The following PTPRD variants were observed in gnomAD, a reference collection of about 807,000 sequenced individuals.
PTPRD encodes receptor-type tyrosine-protein phosphatase delta.
A neutral mutation model predicts 214.5 loss-of-function variants in PTPRD; 34 were observed. The ratio of observed to expected loss-of-function variants is 0.16; its 90% CI spans 0.12 to 0.21. The LOEUF (loss-of-function observed/expected upper bound fraction) is 0.21. Among genes scored for constraint, PTPRD ranks in the 10% least tolerant of loss-of-function variants. The pLI is 1.00. For synonymous variants in PTPRD, 1,128 were observed against 845.7 expected, an observed-to-expected ratio of 1.33 and a Z score of -5.79; for missense variants, 2,545 against 2,398.7, an observed-to-expected ratio of 1.06 and a Z score of -1.27.
At chr9:9,228,177 G>T (rs1021087929) in intron 9 of PTPRD, among the ~76,000 whole-genome samples, 3 of 151,936 alleles carry the variant, frequency 2.0e-5, no homozygotes, top group African/African-American at 7.3e-5. Flanking sequence ...TTAAATAATT[G>T]CTACTCTTAT....
chr9:9,539,871 A>T (rs1286173290), intron 8 of PTPRD, among the ~76,000 whole-genome samples: 2 of 151,864 alleles, frequency 1.3e-5, no homozygotes, highest in Non-Finnish European at 2.9e-5. Context: ...CATTTTTTAA[A>T]TCAATGGTTT....
chr9:9,666,121 A>T (rs1343157186), intron 7 of PTPRD, among the ~76,000 whole-genome samples: 1 of 151,894 alleles, frequency 6.6e-6, no homozygotes, highest in African/African-American at 2.4e-5. Flanking sequence ...CCAAAATTCT[A>T]CCTAGGCCTT....
chr9:9,028,022 C>T (rs1289866618), intron 10 of PTPRD, among the ~76,000 whole-genome samples: 2 of 151,868 alleles, frequency 1.3e-5, no homozygotes, highest in Admixed American at 1.3e-4. Context: ...TCAAGGGCTC[C>T]TTGTGTAAGT....
chr9:9,861,263 A>T (rs992662243), intron 5 of PTPRD, among the ~76,000 whole-genome samples: 3 of 151,988 alleles, frequency 2.0e-5, no homozygotes, highest in African/African-American at 7.2e-5. Flanking sequence ...ATTAAGATTG[A>T]AATAGTTATT....
chr9:9,751,493 A>T (rs1468812931), intron 6 of PTPRD, among the ~76,000 whole-genome samples: 1 of 152,162 alleles, frequency 6.6e-6, no homozygotes, highest in Non-Finnish European at 1.5e-5. Flanking sequence ...GGTGTGTCTG[A>T]AGTCCTAACC....
At position 9,780,351 on chromosome 9, in the gene PTPRD, A is replaced by G. The variant is rs986025341; in HGVS notation, c.-367-13500T>C. ...CAATATACCCATGTAACAAATCTGC[A>G]TATGTACCCCTGTATTTAAAATAAA... On this transcript the variant is annotated intron_variant, in intron 5 of 45. Transcript: ENST00000381196. 2.6e-5 allele frequency among the ~76,000 whole-genome samples: 4 copies of G among 152,326 alleles called. No homozygotes were observed. In the East Asian group the frequency reaches 7.7e-4, roughly 29 times the overall value.
At chr9:9,387,781 G>A (rs886181550) in intron 9 of PTPRD, among the ~76,000 whole-genome samples, 1 of 152,108 alleles carries the variant, frequency 6.6e-6, no homozygotes, top group Admixed American at 6.6e-5. Context: ...TCCTCTAGGG[G>A]AGCATACAGA....
chr9:9,346,450 A>G (rs926227640), intron 9 of PTPRD, among the ~76,000 whole-genome samples: 8 of 152,148 alleles, frequency 5.3e-5, no homozygotes, highest in African/African-American at 1.7e-4. Flanking sequence ...AAAACCACTA[A>G]TGCAATTAAA....
At chr9:10,196,648 A>G (rs1464321016) in intron 3 of PTPRD, among the ~76,000 whole-genome samples, 1 of 152,198 alleles carries the variant, frequency 6.6e-6, no homozygotes, top group Non-Finnish European at 1.5e-5. Context: ...AAAAAGTGAG[A>G]ATAATTCAAC....
chr9:8,374,114 CTGTGTGTGTGTGTGTGTGTGTG>C (rs6150905), intron 39 of PTPRD, among the ~76,000 whole-genome samples: 1 of 142,800 alleles, frequency 7.0e-6, no homozygotes, highest in Non-Finnish European at 1.6e-5. Flanking sequence ...ACACACGTGT[CTGTGTGTGTGTGTGTGTGTGTG>C]TGTGTGTGTG....
At chr9:9,966,054 T>C (rs2094673889) in intron 4 of PTPRD, among the ~76,000 whole-genome samples, 1 of 152,158 alleles carries the variant, frequency 6.6e-6, no homozygotes, top group Non-Finnish European at 1.5e-5. Context: ...CATAGAAGCA[T>C]GCTGTTTTCC....
At chr9:9,267,805 G>A (rs1383884321) in intron 9 of PTPRD, among the ~76,000 whole-genome samples, 1 of 146,408 alleles carries the variant, frequency 6.8e-6, no homozygotes, top group Non-Finnish European at 1.5e-5. Flanking sequence ...CAAAAAAAAA[G>A]CATTTGACAA....
intron 2 of PTPRD, among the ~76,000 whole-genome samples, chr9:10,504,220 G>C (rs73644477): frequency 0.068 from 10,130 of 149,122 alleles, 375 homozygotes; most frequent in East Asian, 0.17. Flanking sequence ...TAACAGGTGT[G>C]ATATATGCAT....
At chr9:9,453,143 G>A (rs2092491829) in intron 8 of PTPRD, among the ~76,000 whole-genome samples, 1 of 150,204 alleles carries the variant, frequency 6.7e-6, no homozygotes, top group South Asian at 2.1e-4. Flanking sequence ...GACTTTCAAC[G>A]CCCCCCCACA....
intron 9 of PTPRD, among the ~76,000 whole-genome samples, chr9:9,257,549 T>C (rs111628032): frequency 3.9e-5 from 6 of 151,924 alleles, no homozygotes; most frequent in African/African-American, 1.5e-4. Context: ...TCCAGCACTT[T>C]GGAAAGCCAA....
chr9:8,825,838 G>C (rs937981149), intron 11 of PTPRD, among the ~76,000 whole-genome samples: 2 of 152,112 alleles, frequency 1.3e-5, no homozygotes, highest in Admixed American at 1.3e-4. Context: ...TTTGCAAACT[G>C]TCATGGCGCC....
rs115857042 is a variant in PTPRD at position 9,193,632 on chromosome 9, T to C, written c.-202-10269A>G. On this transcript the variant is annotated intron_variant, in intron 9 of 45. Coordinates refer to ENST00000381196, the MANE Select transcript of PTPRD (RefSeq NM_002839.4). Reference sequence around the variant, plus strand: ...GGCAACTGTAACACAATGGCAAGTATTTTTGTATCTAAACATATCTAAGCA... The same window carrying C: ...GGCAACTGTAACACAATGGCAAGTACTTTTGTATCTAAACATATCTAAGCA... Among the ~76,000 whole-genome samples the C allele has an allele frequency of 4.8e-3, 733 of 152,264 alleles. 6 individuals carry two copies. The highest frequency in any genetic ancestry group is 0.017 in the African/African-American group (689 of 41,568).
intron 9 of PTPRD, among the ~76,000 whole-genome samples, chr9:9,392,438 T>C (rs919193051): frequency 2.0e-5 from 3 of 152,194 alleles, no homozygotes; most frequent in African/African-American, 7.2e-5. Flanking sequence ...GTCTTGAGGA[T>C]TCAACTGAGA....
chr9:10,320,149 A>C (rs574854917), intron 3 of PTPRD, among the ~76,000 whole-genome samples: 1 of 152,190 alleles, frequency 6.6e-6, no homozygotes, highest in Non-Finnish European at 1.5e-5. Context: ...CTATGCAACT[A>C]TTTAACAAGG....
Sources: gnomAD v4.1 joint callset for allele counts (sites outside exome capture counted in the v4.1 genomes callset) on GRCh38, gnomAD v4.1.1 for gene constraint, MANE v1.5 for transcripts, NCBI Gene and HGNC (gene_info 2026-07-23, HGNC 2026-07-21) for gene names.